Variants in DNAJB2 observed in about 807,000 individuals in gnomAD.
The protein encoded by DNAJB2 is dnaJ homolog subfamily B member 2.
A neutral mutation model predicts 33.3 loss-of-function variants in DNAJB2; 19 were observed. The ratio of observed to expected loss-of-function variants is 0.57; its 90% CI spans 0.40 to 0.84. The LOEUF is 0.84. DNAJB2 is among the 40% of genes least tolerant of loss of function. DNAJB2 has a pLI of 0.00. For synonymous variants in DNAJB2, 172 were observed against 164.6 expected (o/e 1.04, Z -0.34); for missense variants, 368 against 430.9 (o/e 0.85, Z 1.29).
Position 219,286,194 on chromosome 2 carries a change from G to A in DNAJB2, c.*1207G>A. ...CTCTCTTCCTTGGGTGTTTGGTGCT[G>A]GCTCCTGGGGACTACAAATCCCAGA... is the stretch of plus-strand genomic sequence containing the variant. On this transcript the variant is annotated 3_prime_UTR_variant, in exon 9 of 9. Coordinates refer to ENST00000336576, the MANE Select transcript of DNAJB2 (RefSeq NM_006736.6). 1 of 644,042 alleles carries A rather than the reference G, an allele frequency of 1.6e-6. No homozygotes were observed. The highest frequency in any genetic ancestry group is 2.5e-6 in the Non-Finnish European group (1 of 392,230). The allele number at this position is 644,042 out of a possible 1,614,324, so 39.9% of individuals were successfully genotyped here. A position where few individuals can be genotyped will look rare whatever the true frequency, so the allele number is the denominator to read the frequency against.
In DNAJB2 at chr2:219,284,679, C is replaced by A. The variant is rs1951937579; in HGVS notation, c.667C>A (p.Gln223Lys). The change falls in exon 9 of 9, where the codon CAG (glutamine) becomes AAG (lysine). Residue 223 changes from glutamine to lysine, a missense_variant. Gln to Lys is a moderately conservative substitution (Grantham distance 53, BLOSUM62 1). Transcript: ENST00000336576. ...GGGCTTGGAGCTGAGCCGTCGCGAG[C>A]AGCAGCCGTCAGTCACTTCCAGGTC... Reference protein sequence around the residue: ...ALGLELSRREQQPSVTSRSGG... With the variant: ...ALGLELSRREKQPSVTSRSGG... 6.2e-7 allele frequency: 1 copy of A among 1,608,350 alleles called. No individual in the cohort carries two copies. Among genetic ancestry groups the A allele is most frequent in the Non-Finnish European group, 8.5e-7 (1 of 1,176,496 alleles).
At chr2:219,283,818 G>T (rs987783755) in intron 8 of DNAJB2, among the ~76,000 whole-genome samples, 24 of 152,154 alleles carry the variant, frequency 1.6e-4, no homozygotes, top group African/African-American at 5.8e-4. Flanking sequence ...TTAATTTGGG[G>T]AGCCTGAGCT....
In DNAJB2 at chr2:219,280,616, A is replaced by C; in HGVS notation, c.104A>C (p.Asn35Thr). The C allele has an allele frequency of 6.2e-7, 1 of 1,613,970 alleles. No homozygotes were observed. Among genetic ancestry groups the C allele is most frequent in the Non-Finnish European group, 8.5e-7 (1 of 1,179,984 alleles). The change falls in exon 3 of 9, where the codon AAC (asparagine) becomes ACC (threonine). Residue 35 changes from asparagine to threonine, a missense_variant. By Grantham distance (65) the Asn-to-Thr change is moderately conservative. Coordinates refer to ENST00000336576, the MANE Select transcript of DNAJB2 (RefSeq NM_006736.6). Reference protein sequence around the residue: ...RKALQWHPDKNPDNKEFAEKK... With the variant: ...RKALQWHPDKTPDNKEFAEKK... The stretch of plus-strand genomic sequence containing the variant: ...GCTCTCCAGTGGCACCCAGACAAAA[A>C]CCCAGATAATAAAGAGTTTGCTGAG...
At position 219,283,145 on chromosome 2, in the gene DNAJB2, C is replaced by T. The variant is rs780852315; in HGVS notation, c.458C>T (p.Ser153Leu). 8 of 1,614,150 alleles carry T rather than the reference C, an allele frequency of 5.0e-6. No homozygotes were observed. The highest frequency in any genetic ancestry group is 1.3e-5 in the African/African-American group (1 of 74,958). ...SFPGHSDFSS[S>L]SFSFSPGAGA... ...GTCCCGATGCCAGATTTCTCCTCCT[C>T]ATCTTTCTCCTTCAGTCCTGGGGCT... is the stretch of plus-strand genomic sequence containing the variant. Residue 153 changes from serine to leucine, a missense_variant, in exon 7 of 9, where the codon TCA (serine) becomes TTA (leucine). Coordinates refer to ENST00000336576, the MANE Select transcript of DNAJB2 (RefSeq NM_006736.6).
At chr2:219,281,144 G>A in intron 3 of DNAJB2, 1 of 191,462 alleles carries the variant, frequency 5.2e-6, no homozygotes. Context: ...ACAGTGTCCG[G>A]CACTCGCTGG....
rs1574899077 is a variant in DNAJB2 at position 219,279,959 on chromosome 2, A to T, written c.65+61A>T. On this transcript the variant is annotated intron_variant, in intron 2 of 8. Coordinates refer to ENST00000336576, the MANE Select transcript of DNAJB2 (RefSeq NM_006736.6). This position sits in a 1 kb window ranked among gnomAD's most constrained non-coding sequence, Gnocchi z 4.9. ...CCTCCACCCGCCACCACCATGGGGC[A>T]CTTCAGAGTGACACCTGTAGGTGTC... 3 of 1,591,608 alleles carry T rather than the reference A, an allele frequency of 1.9e-6. No individual in the cohort carries two copies. Among genetic ancestry groups the T allele is most frequent in the East Asian group, 2.2e-5 (1 of 44,740 alleles).
At position 219,283,419 on chromosome 2, in the gene DNAJB2, A is replaced by G; in HGVS notation, c.549A>G (p.Arg183=). The G allele has an allele frequency of 6.2e-7, 1 of 1,613,932 alleles. No homozygotes were observed. The highest frequency in any genetic ancestry group is 8.5e-7 in the Non-Finnish European group (1 of 1,179,848). The change falls in exon 8 of 9, where the codon AGA becomes AGG. Residue 183 remains arginine, a splice_region_variant and synonymous_variant. Coordinates refer to ENST00000336576, the MANE Select transcript of DNAJB2 (RefSeq NM_006736.6). ...FVQGRRITTR[R]IMENGQERVE... ...GCCTGAACTGTGCTGTCTCCCACAG[A>G]ATCATGGAGAACGGGCAGGAGCGGG...
intron 4 of DNAJB2, 81 bp from the exon 5 acceptor site, chr2:219,281,858 C>T (rs1053505349): frequency 6.2e-7 from 1 of 1,608,782 alleles, no homozygotes; most frequent in Non-Finnish European, 8.5e-7. Flanking sequence ...CTCTCTCAGG[C>T]TCCTGGCTGT....
chr2:219,283,640 C>T (rs765477783), intron 8 of DNAJB2, 151 bp downstream of exon 8: 19 of 778,698 alleles, frequency 2.4e-5, no homozygotes, highest in East Asian at 5.5e-5. Flanking sequence ...ATGGCAATGT[C>T]GGGAAGGGGG....
At chr2:219,282,224 C>T (rs768305677) in intron 5 of DNAJB2, 163 bp downstream of exon 5, 4 of 1,064,536 alleles carry the variant, frequency 3.8e-6, no homozygotes, top group East Asian at 2.5e-5. Flanking sequence ...CAGAACCTCA[C>T]GTGTGCCAGA....
chr2:219,283,064 G>T, intron 6 of DNAJB2, 69 bp from the exon 7 acceptor site: 1 of 1,596,946 alleles, frequency 6.3e-7, no homozygotes, highest in Non-Finnish European at 8.6e-7. Flanking sequence ...CTGGAGCCTC[G>T]GTGACCACAA....
At position 219,284,729 on chromosome 2, in the gene DNAJB2, C is replaced by T. The variant is rs146703240; in HGVS notation, c.717C>T (p.Thr239=). The T allele has an allele frequency of 1.2e-6, 2 of 1,613,366 alleles. No individual in the cohort carries two copies. The highest frequency in any genetic ancestry group is 1.7e-6 in the Non-Finnish European group (2 of 1,179,954). ...SRSGGTQVQQ[T]PASCPLDSDL... ...CTGGGGGCACTCAGGTCCAGCAGAC[C>T]CCTGCCTCATGCCCCTTGGACAGCG... Residue 239 remains threonine (T), a synonymous_variant, in exon 9 of 9, where the codon ACC becomes ACT. Transcript: ENST00000336576.
chr2:219,280,998 A>G (rs1951899847), intron 3 of DNAJB2: 1 of 350,146 alleles, frequency 2.9e-6, no homozygotes, highest in Non-Finnish European at 5.3e-6. Flanking sequence ...GGCAGGTTCT[A>G]TCACCCCTAT....
Position 219,283,184 on chromosome 2 carries a change from C to G in DNAJB2, c.497C>G (p.Ser166Cys). The change falls in exon 7 of 9, where the codon TCT (serine) becomes TGT (cysteine). Residue 166 changes from serine to cysteine, a missense_variant. Coordinates refer to ENST00000336576, the MANE Select transcript of DNAJB2 (RefSeq NM_006736.6). The stretch of plus-strand genomic sequence containing the variant: ...AGTCCTGGGGCTGGTGCTTTTCGCT[C>G]TGTTTCTACATCTACCACCTTTGTC... Reference protein sequence around the residue: ...SFSPGAGAFRSVSTSTTFVQG... With the variant: ...SFSPGAGAFRCVSTSTTFVQG... 6.2e-7 allele frequency: 1 copy of G among 1,614,260 alleles called. No individual in the cohort carries two copies. The highest frequency in any genetic ancestry group is 1.3e-5 in the African/African-American group (1 of 75,068).
In DNAJB2 at chr2:219,284,735, C is replaced by T. The variant is rs891313732; in HGVS notation, c.723C>T (p.Ala241=). The change falls in exon 9 of 9, where the codon GCC becomes GCT. Residue 241 remains alanine, a synonymous_variant. Coordinates refer to ENST00000336576, the MANE Select transcript of DNAJB2 (RefSeq NM_006736.6). ...SGGTQVQQTP[A]SCPLDSDLSE... ...GCACTCAGGTCCAGCAGACCCCTGC[C>T]TCATGCCCCTTGGACAGCGACCTCT... is the stretch of plus-strand genomic sequence containing the variant. 1 of 1,613,612 alleles carries T rather than the reference C, an allele frequency of 6.2e-7. No individual in the cohort carries two copies. Among genetic ancestry groups the T allele is most frequent in the Non-Finnish European group, 8.5e-7 (1 of 1,179,988 alleles).
rs1326978437 is a variant in DNAJB2, at chr2:219,279,908, T to G, written c.65+10T>G. ...ATGACATCAAGAAGGCGTAAGTGCC[T>G]CCGTATGCAACAGAAGACCTCTCAC... On this transcript the variant is annotated intron_variant, in intron 2 of 8. Coordinates refer to ENST00000336576, the MANE Select transcript of DNAJB2 (RefSeq NM_006736.6). The surrounding 1 kb of genome is among the most constrained non-coding windows in gnomAD (Gnocchi z 4.9). 6.2e-6 allele frequency: 10 copies of G among 1,613,148 alleles called. No homozygotes were observed. In the African/African-American group the frequency reaches 1.2e-4, roughly 19 times the overall value.
Position 219,283,528 on chromosome 2 carries a change from C to A in DNAJB2, c.619+39C>A, listed in dbSNP as rs1951925824. ...CCCCTACCCAGCCCCTGGCAGGAAGCCCCAGCCCCAACCTCAGCAGCCTCC... is the reference window on the plus strand; with the variant it reads ...CCCCTACCCAGCCCCTGGCAGGAAGACCCAGCCCCAACCTCAGCAGCCTCC... On this transcript the variant is annotated intron_variant, in intron 8 of 8. Transcript: ENST00000336576. 1.3e-6 allele frequency: 2 copies of A among 1,590,816 alleles called. 1 individual carries two copies. Among genetic ancestry groups the A allele is most frequent in the African/African-American group, 2.7e-5 (2 of 74,590 alleles).
In DNAJB2 at chr2:219,285,108, A is replaced by C. The variant is rs1951943414; in HGVS notation, c.*121A>C. 7.2e-7 allele frequency: 1 copy of C among 1,382,926 alleles called. No homozygotes were observed. Among genetic ancestry groups the C allele is most frequent in the African/African-American group, 1.5e-5 (1 of 68,960 alleles). The allele number at this position is 1,382,926 out of a possible 1,614,324, so 85.7% of individuals were successfully genotyped here. A position where few individuals can be genotyped will look rare whatever the true frequency, so the allele number is the denominator to read the frequency against. On this transcript the variant is annotated 3_prime_UTR_variant, in exon 9 of 9. Coordinates refer to ENST00000336576, the MANE Select transcript of DNAJB2 (RefSeq NM_006736.6). ...CTTTCCAACTCCAAGCTCCCTCCAC[A>C]AGTTTCCCTCCCAGGCCCCCCACAC...
Position 219,282,884 on chromosome 2 carries a change from T to C in DNAJB2, c.400T>C (p.Ser134Pro). The C allele has an allele frequency of 1.9e-6, 3 of 1,607,346 alleles. No individual in the cohort carries two copies. Among genetic ancestry groups the C allele is most frequent in the Non-Finnish European group, 2.5e-6 (3 of 1,177,684 alleles). ...GCTTCAGAACCGGGGTTCCCGACAC[T>C]CAGGCCCCTTCTTTACCTTCTCTTC... ...SELQNRGSRH[S>P]GPFFTFSSSF... The change falls in exon 6 of 9, where the codon TCA becomes CCA. Residue 134 changes from serine (S) to proline (P), a missense_variant. Physicochemically the swap from Ser to Pro is moderately conservative, Grantham distance 74. Coordinates refer to ENST00000336576, the MANE Select transcript of DNAJB2 (RefSeq NM_006736.6).
Sources: gnomAD v4.1 joint callset for allele counts (sites outside exome capture counted in the v4.1 genomes callset) on GRCh38, gnomAD v4.1.1 for gene constraint, Gnocchi (gnomAD v3.1) non-coding constraint, MANE v1.5 for transcripts, NCBI Gene and HGNC (gene_info 2026-07-23, HGNC 2026-07-21) for gene names.